The following CSMD1 variants were observed in gnomAD, a reference collection of about 807,000 sequenced individuals.
CSMD1 encodes CUB and sushi domain-containing protein 1.
CSMD1 carries 213 observed loss-of-function variants against 417.5 expected under a neutral mutation model. The observed-to-expected ratio is 0.51, with a 90% CI of 0.46 to 0.57. The LOEUF is 0.57. CSMD1 is among the 20% of genes least tolerant of loss of function. The pLI is 0.00. For synonymous variants in CSMD1, 2,862 were observed against 1,736.8 expected (o/e 1.65, Z -16.11); for missense variants, 6,923 against 4,529.7 (o/e 1.53, Z -15.17).
Position 4,534,283 on chromosome 8 carries a change from G to T in CSMD1, c.302+103059C>A, listed in dbSNP as rs1412510398. On this transcript the variant is annotated intron_variant, in intron 2 of 69. Coordinates refer to ENST00000635120, the MANE Select transcript of CSMD1 (RefSeq NM_033225.6). ...TGAAGGACGCCCAAGGATGCTCAAGGAGGCCAGCCCGACTCATATGGCTTT... is the reference window on the plus strand; with the variant it reads ...TGAAGGACGCCCAAGGATGCTCAAGTAGGCCAGCCCGACTCATATGGCTTT... 2.0e-5 allele frequency among the ~76,000 whole-genome samples: 3 copies of T among 152,180 alleles called. No homozygotes were observed. The South Asian group carries it at 6.2e-4, about 32-fold the overall frequency.
intron 2 of CSMD1, among the ~76,000 whole-genome samples, chr8:4,491,075 T>A (rs1253539243): frequency 6.6e-6 from 1 of 152,082 alleles, no homozygotes; most frequent in African/African-American, 2.4e-5. Flanking sequence ...CAGGACCTAA[T>A]AAGACATGAG....
intron 5 of CSMD1, among the ~76,000 whole-genome samples, chr8:3,947,915 C>G (rs1006261197): frequency 1.3e-5 from 2 of 152,092 alleles, no homozygotes; most frequent in Non-Finnish European, 2.9e-5. Context: ...GTTAAAATCT[C>G]CAATGGTAGG....
Position 3,091,565 on chromosome 8 carries a change from C to G in CSMD1, c.7236G>C (p.Trp2412Cys). 2 of 1,610,416 alleles carry G rather than the reference C, an allele frequency of 1.2e-6. No individual in the cohort carries two copies. The highest frequency in any genetic ancestry group is 1.7e-6 in the Non-Finnish European group (2 of 1,179,140). ...TCTTACTGGTGGCATGGTCAGTGGA[C>G]CAGCGGAGATATAACTGATTACTCC... ...TSRSNQLYLRWSTDHATSKKG... is the reference protein window; with the variant it reads ...TSRSNQLYLRCSTDHATSKKG... The change falls in exon 48 of 70, where the codon TGG becomes TGC. Residue 2412 changes from tryptophan to cysteine, a missense_variant. Physicochemically the swap from Trp to Cys is radical, Grantham distance 215. Transcript: ENST00000635120.
chr8:3,450,149 C>T (rs972745738), intron 12 of CSMD1, among the ~76,000 whole-genome samples: 1 of 152,266 alleles, frequency 6.6e-6, no homozygotes, highest in Middle Eastern at 3.4e-3. Flanking sequence ...CGATGACGAA[C>T]GTTGACTGTG....
chr8:3,496,288 C>G (rs1006736650), intron 10 of CSMD1, among the ~76,000 whole-genome samples: 1 of 152,184 alleles, frequency 6.6e-6, no homozygotes, highest in Non-Finnish European at 1.5e-5. Flanking sequence ...CCCTTCATAA[C>G]ATTCCCTGTG....
intron 7 of CSMD1, among the ~76,000 whole-genome samples, chr8:3,622,661 G>C (rs186453827): frequency 2.8e-4 from 42 of 152,340 alleles, no homozygotes; most frequent in Non-Finnish European, 4.9e-4. Context: ...AAAGTGATTA[G>C]AGATTAAATG....
At chr8:4,567,976 T>A (rs550366777) in intron 2 of CSMD1, among the ~76,000 whole-genome samples, 106 of 152,310 alleles carry the variant, frequency 7.0e-4, no homozygotes, top group African/African-American at 2.4e-3. Flanking sequence ...GGACTGTTAT[T>A]TAACTTTGAG....
At chr8:4,853,979 T>G (rs1282856023) in intron 1 of CSMD1, among the ~76,000 whole-genome samples, 1 of 152,118 alleles carries the variant, frequency 6.6e-6, no homozygotes, top group African/African-American at 2.4e-5. Flanking sequence ...TTTCCTTTGG[T>G]ATGAGAATAT....
intron 3 of CSMD1, among the ~76,000 whole-genome samples, chr8:4,309,149 T>C (rs571610426): frequency 6.6e-6 from 1 of 152,170 alleles, no homozygotes; most frequent in Non-Finnish European, 1.5e-5. Context: ...CACAGGCCAA[T>C]TCAACAACTT....
intron 3 of CSMD1, among the ~76,000 whole-genome samples, chr8:4,183,449 G>C (rs927468639): frequency 5.9e-5 from 9 of 152,122 alleles, no homozygotes; most frequent in African/African-American, 1.9e-4. Flanking sequence ...ATAATTTTTA[G>C]CCCCTCAATG....
intron 8 of CSMD1, among the ~76,000 whole-genome samples, chr8:3,588,392 T>C (rs1800696630): frequency 6.6e-6 from 1 of 151,084 alleles, no homozygotes; most frequent in Non-Finnish European, 1.5e-5. Context: ...GTAGGAAGAG[T>C]TGGAATTTCA....
In CSMD1 at chr8:4,485,770, G is replaced by A. The variant is rs1019299529; in HGVS notation, c.303-65705C>T. ...CAATGGCTTTACTTTTCCAAAGTTG[G>A]TGACATACTGAAATGCATCTGCTAC... is the stretch of plus-strand genomic sequence containing the variant. On this transcript the variant is annotated intron_variant, in intron 2 of 69. Coordinates refer to ENST00000635120, the MANE Select transcript of CSMD1 (RefSeq NM_033225.6). Among the ~76,000 whole-genome samples, 3 of 152,144 alleles carry A rather than the reference G, an allele frequency of 2.0e-5. No individual in the cohort carries two copies. The East Asian group carries it at 5.8e-4, about 29-fold the overall frequency.
In CSMD1 at chr8:4,606,202, C is replaced by T. The variant is rs115937719; in HGVS notation, c.302+31140G>A. 9.6e-4 allele frequency among the ~76,000 whole-genome samples: 146 copies of T among 152,244 alleles called. 1 individual carries two copies. Among genetic ancestry groups the T allele is most frequent in the African/African-American group, 3.3e-3 (139 of 41,530 alleles). Reference sequence around the variant, plus strand: ...ACTGGGCACTGCACTCCACTCAGCACGCCTTGCAGGTCTAAGAGTTGGAAG... The same window carrying T: ...ACTGGGCACTGCACTCCACTCAGCATGCCTTGCAGGTCTAAGAGTTGGAAG... On this transcript the variant is annotated intron_variant, in intron 2 of 69. Transcript: ENST00000635120.
At chr8:3,364,775 G>T (rs899040534) in intron 20 of CSMD1, among the ~76,000 whole-genome samples, 1 of 152,180 alleles carries the variant, frequency 6.6e-6, no homozygotes, top group Non-Finnish European at 1.5e-5. Flanking sequence ...CTTGATCTTG[G>T]ACTTCCCAGG....
chr8:4,122,257 C>T (rs571611741), intron 3 of CSMD1, among the ~76,000 whole-genome samples: 1 of 152,188 alleles, frequency 6.6e-6, no homozygotes, highest in South Asian at 2.1e-4. Flanking sequence ...TGACTTCGTA[C>T]ATTTCTTAAG....
At chr8:3,388,898 CACACACACACACACACACACACACA>C (rs1230346085) in intron 17 of CSMD1, among the ~76,000 whole-genome samples, 8 of 2,470 alleles carry the variant, frequency 3.2e-3, no homozygotes, top group African/African-American at 6.7e-3. Context: ...CACATGCATA[CACACACACACACACACACACACACA>C]CACACACACA....
At chr8:4,277,085 T>C (rs762673930) in intron 3 of CSMD1, among the ~76,000 whole-genome samples, 4 of 152,122 alleles carry the variant, frequency 2.6e-5, no homozygotes, top group Non-Finnish European at 5.9e-5. Context: ...TTTTATAAAA[T>C]TGCATGTAAC....
intron 3 of CSMD1, among the ~76,000 whole-genome samples, chr8:4,252,938 C>A (rs73660706): frequency 6.6e-6 from 1 of 152,040 alleles, no homozygotes; most frequent in Non-Finnish European, 1.5e-5. Flanking sequence ...CAGCAGAACA[C>A]ACCAACTTTT....
chr8:3,786,752 T>C (rs1799477419), intron 5 of CSMD1, among the ~76,000 whole-genome samples: 1 of 152,202 alleles, frequency 6.6e-6, no homozygotes, highest in African/African-American at 2.4e-5. Flanking sequence ...ATGAGAACTT[T>C]CTTTCAAGCT....
Sources: allele counts gnomAD v4.1 joint callset (sites outside exome capture counted in the v4.1 genomes callset), GRCh38; gene constraint gnomAD v4.1.1; transcripts MANE v1.5; gene names NCBI Gene and HGNC (gene_info 2026-07-23, HGNC 2026-07-21).